The following KCNMA1 variants were observed in gnomAD, a reference collection of about 807,000 sequenced individuals.
KCNMA1 encodes the protein Calcium-activated potassium channel subunit alpha-1.
A neutral mutation model predicts 140.0 loss-of-function variants in KCNMA1; 29 were observed. The ratio of observed to expected loss-of-function variants is 0.21; its 90% CI spans 0.15 to 0.28. KCNMA1 has a LOEUF of 0.28. Ranked by LOEUF, KCNMA1 falls within the 10% of genes least tolerant of loss-of-function variation. KCNMA1 has a pLI of 1.00. For missense variants in KCNMA1, 880 were observed against 1,602.2 expected (o/e 0.55, Z 7.70); for synonymous variants, 612 against 611.9 (o/e 1.00, Z 0.00).
chr10:77,541,904 C>T (rs912838142), intron 1 of KCNMA1, among the ~76,000 whole-genome samples: 6 of 152,166 alleles, frequency 3.9e-5, no homozygotes, highest in African/African-American at 1.4e-4. Context: ...CATTCACTAA[C>T]TCAAGGGCAA....
chr10:76,878,588 T>C (rs1005438818), intron 29 of KCNMA1, among the ~76,000 whole-genome samples: 1 of 152,174 alleles, frequency 6.6e-6, no homozygotes, highest in Non-Finnish European at 1.5e-5. Context: ...TGGTATAAAG[T>C]TATGAATAGA....
chr10:76,883,941 C>A (rs1444253484), downstream of KCNMA1: 1 of 900,664 alleles, frequency 1.1e-6, no homozygotes. Context: ...GATCCTTCTC[C>A]ATCATCAAAT....
In KCNMA1 at chr10:76,971,961, G is replaced by T. The variant is rs142994904; in HGVS notation, c.2267-1894C>A. The stretch of plus-strand genomic sequence containing the variant: ...GAGGCAATAATGGGGTAGAAAGGCA[G>T]CGAGGGTGTGTGGGTGTGTGTGTGT... On this transcript the variant is annotated intron_variant, in intron 19 of 27. Transcript: ENST00000286628. 8.5e-3 allele frequency among the ~76,000 whole-genome samples: 1,247 copies of T among 145,938 alleles called. 20 individuals are homozygous for T. Among genetic ancestry groups the T allele is most frequent in the African/African-American group, 0.031 (1,191 of 38,110 alleles).
chr10:77,483,340 G>C (rs1013440433), intron 1 of KCNMA1, among the ~76,000 whole-genome samples: 2 of 152,214 alleles, frequency 1.3e-5, no homozygotes, highest in African/African-American at 4.8e-5. Flanking sequence ...TGTCACAGCA[G>C]AGCCCAGCTC....
intron 5 of KCNMA1, among the ~76,000 whole-genome samples, chr10:77,127,227 C>T (rs544212462): frequency 3.3e-5 from 5 of 151,902 alleles, no homozygotes; most frequent in Admixed American, 6.6e-5. Flanking sequence ...TATTTACTTA[C>T]ACACACTAAA....
At chr10:77,542,653 G>A (rs2060452975) in intron 1 of KCNMA1, among the ~76,000 whole-genome samples, 1 of 151,980 alleles carries the variant, frequency 6.6e-6, no homozygotes, top group Non-Finnish European at 1.5e-5. Flanking sequence ...ATCAGACAAA[G>A]CAAAACAAAA....
chr10:77,083,107 C>G (rs1233247092), intron 12 of KCNMA1, among the ~76,000 whole-genome samples: 1 of 152,070 alleles, frequency 6.6e-6, no homozygotes, highest in Non-Finnish European at 1.5e-5. Flanking sequence ...ACCTTCGGCC[C>G]GAAAGATGGC....
chr10:77,395,366 A>C (rs1372892681), intron 2 of KCNMA1, among the ~76,000 whole-genome samples: 1 of 152,154 alleles, frequency 6.6e-6, no homozygotes, highest in Non-Finnish European at 1.5e-5. Context: ...AAAAATAAAA[A>C]AATGTAAAAA....
intron 4 of KCNMA1, among the ~76,000 whole-genome samples, chr10:77,184,284 A>G (rs2098828497): frequency 6.6e-6 from 1 of 152,108 alleles, no homozygotes; most frequent in Non-Finnish European, 1.5e-5. Flanking sequence ...CAGTGGCGTG[A>G]TTTCAGCTCA....
intron 1 of KCNMA1, among the ~76,000 whole-genome samples, chr10:77,450,028 C>T (rs1350723246): frequency 3.3e-5 from 5 of 152,302 alleles, no homozygotes; most frequent in South Asian, 4.1e-4. Context: ...CAGCCCACTG[C>T]AGCCTCCAAC....
chr10:77,369,272 C>T (rs1460128649), intron 2 of KCNMA1, among the ~76,000 whole-genome samples: 3 of 152,126 alleles, frequency 2.0e-5, no homozygotes, highest in Non-Finnish European at 4.4e-5. Flanking sequence ...GGAAGCACAG[C>T]TCTAGAGTGG....
At chr10:77,251,373 T>C in intron 2 of KCNMA1, 117 bp from the exon 3 acceptor site, 1 of 777,836 alleles carries the variant, frequency 1.3e-6, no homozygotes, top group Non-Finnish European at 2.2e-6. Context: ...GGGGACCTGC[T>C]TGGAAATCTC....
At chr10:76,960,632 T>G (rs981928191) in intron 20 of KCNMA1, among the ~76,000 whole-genome samples, 4 of 148,636 alleles carry the variant, frequency 2.7e-5, no homozygotes, top group Non-Finnish European at 4.5e-5. Flanking sequence ...TTTTTTTTTT[T>G]TTTTTTTTTT....
intron 17 of KCNMA1, among the ~76,000 whole-genome samples, chr10:77,015,008 AC>A (rs2091718574): frequency 6.6e-6 from 1 of 152,062 alleles, no homozygotes; most frequent in African/African-American, 2.4e-5. Context: ...TTTGGGATCT[AC>A]CCCATTCTCC....
At chr10:77,325,354 G>A (rs1315065842) in intron 2 of KCNMA1, among the ~76,000 whole-genome samples, 3 of 152,148 alleles carry the variant, frequency 2.0e-5, no homozygotes, top group African/African-American at 7.2e-5. Context: ...GGCTGGCACA[G>A]TAAATGCAAA....
At chr10:76,951,995 T>C (rs1453949973) in intron 21 of KCNMA1, 4 of 1,539,412 alleles carry the variant, frequency 2.6e-6, no homozygotes, top group East Asian at 2.5e-5. Context: ...AGATGTTTTG[T>C]TAAATGATGT....
intron 2 of KCNMA1, among the ~76,000 whole-genome samples, chr10:77,273,621 C>T (rs2065807992): frequency 6.6e-6 from 1 of 151,982 alleles, no homozygotes. Flanking sequence ...GTCTCAATTT[C>T]CAATAAAAAG....
intron 15 of KCNMA1, among the ~76,000 whole-genome samples, chr10:77,030,215 G>A (rs1295739277): frequency 6.6e-6 from 1 of 152,134 alleles, no homozygotes. Flanking sequence ...AGAATCTAAT[G>A]ACCTGGGCTT....
intron 1 of KCNMA1, among the ~76,000 whole-genome samples, chr10:77,548,139 GAA>G (rs34880591): frequency 6.6e-6 from 1 of 151,816 alleles, no homozygotes; most frequent in South Asian, 2.1e-4. Context: ...GGAAAAGGAT[GAA>G]AAAAAATGGC....
Sources: gnomAD v4.1 joint callset for allele counts (sites outside exome capture counted in the v4.1 genomes callset) on GRCh38, gnomAD v4.1.1 for gene constraint, MANE v1.5 for transcripts, NCBI Gene and HGNC (gene_info 2026-07-23, HGNC 2026-07-21) for gene names.